The following CCDC172 variants were observed in gnomAD, a reference collection of about 807,000 sequenced individuals.
CCDC172 encodes coiled-coil domain-containing protein 172.
In CCDC172, 30 loss-of-function variants were observed where a neutral mutation model predicts 38.0. That is an observed-to-expected ratio of 0.79 (90% CI 0.59 to 1.07). The LOEUF is 1.07. Among genes scored for constraint, CCDC172 ranks in the 50% least tolerant of loss-of-function variants. The pLI is 0.00. For synonymous variants in CCDC172, 78 were observed against 88.3 expected, an observed-to-expected ratio of 0.88 and a Z score of 0.66; for missense variants, 297 against 290.1, an observed-to-expected ratio of 1.02 and a Z score of -0.17.
chr10:116,351,967 C>T (rs1844935678), intron 5 of CCDC172, among the ~76,000 whole-genome samples: 1 of 152,072 alleles, frequency 6.6e-6, no homozygotes, highest in African/African-American at 2.4e-5. Context: ...GGATGGAGAT[C>T]CTCTTGAGTC....
intron 7 of CCDC172, among the ~76,000 whole-genome samples, chr10:116,361,918 G>A (rs192674999): frequency 6.6e-6 from 1 of 152,280 alleles, no homozygotes; most frequent in Non-Finnish European, 1.5e-5. Context: ...GCCAGGTGTG[G>A]TGGCTCATGC....
chr10:116,333,888 TGGC>T (rs1398686630), intron 3 of CCDC172, among the ~76,000 whole-genome samples: 2 of 152,186 alleles, frequency 1.3e-5, no homozygotes, highest in Non-Finnish European at 2.9e-5. Context: ...CAAAGGCAAC[TGGC>T]GACTTACAGC....
chr10:116,362,400 T>G (rs1845075430), intron 7 of CCDC172, among the ~76,000 whole-genome samples: 1 of 152,238 alleles, frequency 6.6e-6, no homozygotes, highest in Non-Finnish European at 1.5e-5. Flanking sequence ...ATGCCATATT[T>G]ATATAACCAG....
At chr10:116,357,777 TAA>T (rs778413269) in intron 6 of CCDC172, 57 bp from the exon 7 acceptor site, 2 of 934,124 alleles carry the variant, frequency 2.1e-6, no homozygotes, top group East Asian at 5.3e-5. Context: ...TATGAGTGAA[TAA>T]AGATAATCTT....
chr10:116,328,284 G>A (rs1261799814), intron 3 of CCDC172, among the ~76,000 whole-genome samples: 3 of 152,008 alleles, frequency 2.0e-5, no homozygotes, highest in African/African-American at 7.2e-5. Context: ...CACTATGCCT[G>A]GTTAGGTTTG....
At chr10:116,333,059 T>C (rs547813252) in intron 3 of CCDC172, among the ~76,000 whole-genome samples, 1 of 152,232 alleles carries the variant, frequency 6.6e-6, no homozygotes, top group African/African-American at 2.4e-5. Context: ...TTGCTCTTGT[T>C]TTCTAGTGGA....
At chr10:116,328,535 A>G (rs1325775097) in intron 3 of CCDC172, among the ~76,000 whole-genome samples, 1 of 152,078 alleles carries the variant, frequency 6.6e-6, no homozygotes, top group Non-Finnish European at 1.5e-5. Flanking sequence ...ATTACATAAA[A>G]CTCAATATAA....
intron 7 of CCDC172, among the ~76,000 whole-genome samples, chr10:116,378,038 GA>G (rs1307929639): frequency 6.6e-6 from 1 of 152,028 alleles, no homozygotes; most frequent in Non-Finnish European, 1.5e-5. Flanking sequence ...AAAATTAGCT[GA>G]GTGTGGTGGC....
intron 7 of CCDC172, among the ~76,000 whole-genome samples, chr10:116,374,818 T>C (rs1351920091): frequency 6.6e-6 from 1 of 151,616 alleles, no homozygotes; most frequent in Non-Finnish European, 1.5e-5. Context: ...GATTATTACA[T>C]TAGATAAAAG....
Position 116,342,033 on chromosome 10 carries a change from C to T in CCDC172, c.283-3C>T, listed in dbSNP as rs773534759. On this transcript the variant is annotated splice_region_variant and splice_polypyrimidine_tract_variant and intron_variant, in intron 4 of 8. Transcript: ENST00000333254. Reference sequence around the variant, plus strand: ...TATTTGATCTTTTATTTATGTTTTTCAGGAGGCTATAAAGAAACAAATGAT... The same window carrying T: ...TATTTGATCTTTTATTTATGTTTTTTAGGAGGCTATAAAGAAACAAATGAT... 6.8e-7 allele frequency: 1 copy of T among 1,471,148 alleles called. No homozygotes were observed. The highest frequency in any genetic ancestry group is 9.1e-7 in the Non-Finnish European group (1 of 1,102,732). The allele number at this position is 1,471,148 out of a possible 1,614,324, so 91.1% of individuals were successfully genotyped here. A position where few individuals can be genotyped will look rare whatever the true frequency, so the allele number is the denominator to read the frequency against.
chr10:116,367,888 T>C (rs908785421), intron 7 of CCDC172, among the ~76,000 whole-genome samples: 5 of 152,168 alleles, frequency 3.3e-5, no homozygotes, highest in Admixed American at 1.3e-4. Context: ...TTACAAATTA[T>C]GTTTTCTTCT....
chr10:116,363,303 C>G (rs986535780), intron 7 of CCDC172, among the ~76,000 whole-genome samples: 12 of 152,104 alleles, frequency 7.9e-5, no homozygotes, highest in African/African-American at 1.2e-4. Flanking sequence ...TCTGGTCTAG[C>G]CTTACACACC....
intron 7 of CCDC172, among the ~76,000 whole-genome samples, chr10:116,374,765 C>A (rs879763467): frequency 6.6e-6 from 1 of 151,488 alleles, no homozygotes; most frequent in Non-Finnish European, 1.5e-5. Flanking sequence ...ATATGAATAA[C>A]TATATTAAAT....
intron 5 of CCDC172, among the ~76,000 whole-genome samples, chr10:116,349,171 G>A (rs1390181963): frequency 6.6e-6 from 1 of 152,114 alleles, no homozygotes; most frequent in Non-Finnish European, 1.5e-5. Flanking sequence ...CAGATGGGAC[G>A]GTCTTGTTGC....
intron 7 of CCDC172, among the ~76,000 whole-genome samples, chr10:116,370,617 G>A (rs1424413998): frequency 6.7e-6 from 1 of 150,350 alleles, no homozygotes; most frequent in African/African-American, 2.4e-5. Flanking sequence ...ATAAATAGTA[G>A]GATTTAGTGG....
At chr10:116,352,976 G>A (rs906352706) in intron 5 of CCDC172, among the ~76,000 whole-genome samples, 5 of 151,972 alleles carry the variant, frequency 3.3e-5, no homozygotes, top group African/African-American at 1.2e-4. Context: ...GGTGGATCAC[G>A]AGGTCAGGAG....
intron 7 of CCDC172, among the ~76,000 whole-genome samples, chr10:116,369,076 T>C (rs897095705): frequency 6.6e-6 from 1 of 152,026 alleles, no homozygotes; most frequent in African/African-American, 2.4e-5. Flanking sequence ...CCACTGAGGG[T>C]GAATAGACTA....
At chr10:116,358,212 T>A (rs534142851) in intron 7 of CCDC172, among the ~76,000 whole-genome samples, 3 of 152,110 alleles carry the variant, frequency 2.0e-5, no homozygotes, top group Non-Finnish European at 2.9e-5. Context: ...TCCCAAGAGA[T>A]AAGACAACTC....
At chr10:116,352,524 A>C (rs1565718195) in intron 5 of CCDC172, among the ~76,000 whole-genome samples, 1 of 152,158 alleles carries the variant, frequency 6.6e-6, no homozygotes. Context: ...AGGATATAAA[A>C]ATAACCAAAG....
Sources: gnomAD v4.1 joint callset for allele counts (sites outside exome capture counted in the v4.1 genomes callset) on GRCh38, gnomAD v4.1.1 for gene constraint, MANE v1.5 for transcripts, NCBI Gene and HGNC (gene_info 2026-07-23, HGNC 2026-07-21) for gene names.